Variants in MCF2L observed in about 807,000 individuals in gnomAD.
The protein encoded by MCF2L is guanine nucleotide exchange factor DBS.
MCF2L carries 97 observed loss-of-function variants against 153.4 expected under a neutral mutation model. The ratio of observed to expected loss-of-function variants is 0.63; its 90% CI spans 0.54 to 0.75. MCF2L has a LOEUF of 0.75. Ranked by LOEUF, MCF2L falls within the 30% of genes least tolerant of loss-of-function variation. MCF2L has a pLI of 0.00. For missense variants in MCF2L, 1,347 were observed against 1,495.2 expected (o/e 0.90, Z 1.64); for synonymous variants, 659 against 632.2 (o/e 1.04, Z -0.64).
intron 1 of MCF2L, among the ~76,000 whole-genome samples, chr13:112,992,921 G>A (rs756763594): frequency 6.6e-6 from 1 of 152,240 alleles, no homozygotes; most frequent in African/African-American, 2.4e-5. Flanking sequence ...CATCTCGTAA[G>A]GGTGTCTACA....
intron 9 of MCF2L, among the ~76,000 whole-genome samples, chr13:113,071,768 C>T (rs1169451899): frequency 6.6e-6 from 1 of 152,212 alleles, no homozygotes; most frequent in Non-Finnish European, 1.5e-5. Context: ...TTAATTGCTG[C>T]AACTATATAA....
intron 2 of MCF2L, among the ~76,000 whole-genome samples, chr13:112,905,819 A>G (rs2081167130): frequency 6.6e-6 from 1 of 152,182 alleles, no homozygotes; most frequent in South Asian, 2.1e-4. Context: ...CGCCTCTGCT[A>G]TTGTGAATAA....
In MCF2L at chr13:113,045,488, C is replaced by T. The variant is rs1431426929; in HGVS notation, c.369+127C>T. ...TGAGTGGGACAGAGCCCAGTCCCGG[C>T]GGGTGGAGGCCGGCGCCAAGGCCCC... On this transcript the variant is annotated intron_variant, in intron 4 of 29. Transcript: ENST00000535094. The surrounding 1 kb of genome is among the most constrained non-coding windows in gnomAD (Gnocchi z 4.2). 2.8e-5 allele frequency: 24 copies of T among 844,066 alleles called. No homozygotes were observed. Among genetic ancestry groups the T allele is most frequent in the Non-Finnish European group, 3.6e-5 (19 of 525,736 alleles). The allele number at this position is 844,066 out of a possible 1,614,324, so 52.3% of individuals were successfully genotyped here.
At chr13:112,930,468 CTG>C (rs1443382630) in intron 2 of MCF2L, among the ~76,000 whole-genome samples, 2 of 152,134 alleles carry the variant, frequency 1.3e-5, no homozygotes, top group African/African-American at 4.8e-5. Flanking sequence ...GATTCCAACT[CTG>C]TGATATTCTG....
rs571643501 is a variant in MCF2L, at chr13:112,912,491, A to G, written c.169+10120A>G. Among the ~76,000 whole-genome samples the G allele has an allele frequency of 4.6e-5, 7 of 151,962 alleles. No individual in the cohort carries two copies. The East Asian group carries it at 1.4e-3, about 29-fold the overall frequency. ...GCCACCACACCCAGCTAATTTTTGT[A>G]TTTTTAGTAGAGACGGGGTTTCACC... On this transcript the variant is annotated intron_variant, in intron 2 of 29. Transcript: ENST00000375608.
chr13:112,942,357 C>T (rs938567995), intron 2 of MCF2L, among the ~76,000 whole-genome samples: 1 of 152,208 alleles, frequency 6.6e-6, no homozygotes, highest in African/African-American at 2.4e-5. Flanking sequence ...GTCTGGTAGA[C>T]ATGTGACCCA....
intron 1 of MCF2L, among the ~76,000 whole-genome samples, chr13:113,006,071 G>A (rs937185784): frequency 2.0e-5 from 3 of 152,144 alleles, no homozygotes; most frequent in African/African-American, 7.2e-5. Context: ...GCCGTGCCCT[G>A]CCATGTCCCC....
chr13:112,900,578 A>C (rs1184880773), intron 1 of MCF2L, among the ~76,000 whole-genome samples: 1 of 150,996 alleles, frequency 6.6e-6, no homozygotes. Flanking sequence ...ATGAACACCA[A>C]GGGGTGAGTG....
At chr13:112,979,840 C>A in intron 1 of MCF2L, 1 of 1,320,524 alleles carries the variant, frequency 7.6e-7, no homozygotes, top group Non-Finnish European at 1.0e-6. Context: ...CAGGTGCCTC[C>A]CTGGGGTATT....
In MCF2L at chr13:113,050,176, CTGTG is replaced by C. The variant is rs1328057373; in HGVS notation, c.369+4824_369+4827del. 3.6e-3 allele frequency among the ~76,000 whole-genome samples: 543 copies of C among 150,824 alleles called. 3 individuals carry two copies. The highest frequency in any genetic ancestry group is 0.012 in the African/African-American group (493 of 41,026). On this transcript the variant is annotated intron_variant, in intron 4 of 29. Coordinates refer to ENST00000535094, the MANE Select transcript of MCF2L (RefSeq NM_001112732.3). ...TGAGTGTGTGAGTGTGAGTGTGTGA[CTGTG>C]TGTGTGTGCGAGCGAGTGGGAGTGT...
At chr13:112,962,201 TCA>T (rs2081838470) in intron 2 of MCF2L, among the ~76,000 whole-genome samples, 2 of 125,062 alleles carry the variant, frequency 1.6e-5, no homozygotes, top group African/African-American at 3.0e-5. Context: ...ACAAACATGC[TCA>T]CACACTTGCA....
intron 2 of MCF2L, among the ~76,000 whole-genome samples, chr13:112,908,272 G>A (rs768840773): frequency 1.1e-4 from 16 of 152,278 alleles, no homozygotes; most frequent in South Asian, 2.1e-4. Context: ...GTGGACCACC[G>A]CCCCAGCTTG....
At chr13:112,946,071 C>T (rs1318692864) in intron 2 of MCF2L, among the ~76,000 whole-genome samples, 3 of 152,274 alleles carry the variant, frequency 2.0e-5, no homozygotes, top group South Asian at 4.1e-4. Context: ...AAATTTTAAA[C>T]TCTCTTCCAT....
intron 1 of MCF2L, among the ~76,000 whole-genome samples, chr13:113,004,530 C>G (rs960615802): frequency 1.3e-5 from 2 of 152,194 alleles, no homozygotes; most frequent in African/African-American, 4.8e-5. Context: ...CCTGGGTCTG[C>G]TCACCTGGTG....
chr13:112,989,661 A>G (rs9577414), intron 1 of MCF2L, among the ~76,000 whole-genome samples: 55,971 of 62,250 alleles, frequency 0.9, 25,580 homozygotes, highest in Non-Finnish European at 0.93. Context: ...GAACTACCAC[A>G]CCCGAGTCCT....
intron 1 of MCF2L, among the ~76,000 whole-genome samples, chr13:112,994,296 C>T (rs149308552): frequency 2.6e-4 from 38 of 148,124 alleles, no homozygotes; most frequent in Admixed American, 8.7e-4. Context: ...CGGGGCGCGG[C>T]GCGTGGGACG....
chr13:113,027,636 G>A lies in MCF2L; in HGVS notation c.278+2878G>A, dbSNP rs1009800171. On this transcript the variant is annotated intron_variant, in intron 3 of 29. Coordinates refer to ENST00000535094, the MANE Select transcript of MCF2L (RefSeq NM_001112732.3). This position sits in a 1 kb window ranked among gnomAD's most constrained non-coding sequence, Gnocchi z 4.8. The stretch of plus-strand genomic sequence containing the variant: ...GGGCTGGGTCTCGGGCCGAGCGGCC[G>A]AGCTCCCTGAGGGGCTGATGGGACC... Among the ~76,000 whole-genome samples, 7 of 152,204 alleles carry A rather than the reference G, an allele frequency of 4.6e-5. No individual in the cohort carries two copies. Among genetic ancestry groups the A allele is most frequent in the Admixed American group, 2.0e-4 (3 of 15,288 alleles).
At chr13:112,895,474 A>G (rs1213506559) in intron 1 of MCF2L, among the ~76,000 whole-genome samples, 1 of 152,066 alleles carries the variant, frequency 6.6e-6, no homozygotes, top group East Asian at 1.9e-4. Context: ...CAGGAGACCC[A>G]CATGGCCAGG....
chr13:112,978,539 G>A (rs1594448998), intron 1 of MCF2L, among the ~76,000 whole-genome samples: 1 of 152,224 alleles, frequency 6.6e-6, no homozygotes, highest in East Asian at 1.9e-4. Flanking sequence ...TCAGGCTGTG[G>A]AAGCAGCCTT....
Sources: allele counts gnomAD v4.1 joint callset (sites outside exome capture counted in the v4.1 genomes callset), GRCh38; gene constraint gnomAD v4.1.1; non-coding constraint Gnocchi (gnomAD v3.1); transcripts MANE v1.5; gene names NCBI Gene and HGNC (gene_info 2026-07-23, HGNC 2026-07-21).